The following CATSPERT variants were observed in gnomAD, a reference collection of about 807,000 sequenced individuals.
CATSPERT encodes the protein catsper channel auxiliary subunit tau.
the CATSPERT span, chr2:201,492,135 A>G: frequency 6.6e-7 from 1 of 1,525,792 alleles, no homozygotes; most frequent in Non-Finnish European, 8.7e-7. Flanking sequence ...CTCTAAGTTT[A>G]TCCTCAGAAA....
At chr2:201,534,315 G>A in the CATSPERT span, 1 of 813,942 alleles carries the variant, frequency 1.2e-6, no homozygotes, top group Non-Finnish European at 1.5e-6. Context: ...CAACCCCACA[G>A]TATCTTGAGA....
the CATSPERT span, chr2:201,493,346 T>C: frequency 1.3e-6 from 2 of 1,536,678 alleles, no homozygotes; most frequent in African/African-American, 1.4e-5. Context: ...ACAGAAGTAG[T>C]GTCTTTGGGA....
the CATSPERT span, among the ~76,000 whole-genome samples, chr2:201,566,526 G>A: frequency 6.6e-6 from 1 of 151,840 alleles, no homozygotes; most frequent in South Asian, 2.1e-4. Flanking sequence ...CCCTGCAAAG[G>A]ACATGAACTC....
At chr2:201,591,185 T>C in the CATSPERT span, among the ~76,000 whole-genome samples, 1 of 152,082 alleles carries the variant, frequency 6.6e-6, no homozygotes, top group Non-Finnish European at 1.5e-5. Flanking sequence ...AGGGATCCAG[T>C]TTCAGCTTTC....
chr2:201,547,521 T>C, the CATSPERT span: 1 of 1,539,612 alleles, frequency 6.5e-7, no homozygotes, highest in Non-Finnish European at 8.9e-7. Flanking sequence ...ATCCTTATGT[T>C]CCAATTTTGG....
chr2:201,509,991 T>G, the CATSPERT span, among the ~76,000 whole-genome samples: 9 of 150,894 alleles, frequency 6.0e-5, no homozygotes, highest in African/African-American at 2.0e-4. Context: ...ATAATATACT[T>G]TATTTTAAAT....
At chr2:201,517,885 C>T in the CATSPERT span, among the ~76,000 whole-genome samples, 1 of 152,220 alleles carries the variant, frequency 6.6e-6, no homozygotes, top group Non-Finnish European at 1.5e-5. Flanking sequence ...AGCTCAGTAC[C>T]TCTTGCTACT....
the CATSPERT span, among the ~76,000 whole-genome samples, chr2:201,560,462 TAATAATAACAAC>T: frequency 2.5e-5 from 1 of 39,398 alleles, no homozygotes; most frequent in Non-Finnish European, 5.4e-5. Flanking sequence ...ATAATAATAA[TAATAATAACAAC>T]AACAACAACA....
the CATSPERT span, among the ~76,000 whole-genome samples, chr2:201,545,211 G>A: frequency 1.1e-4 from 17 of 151,542 alleles, no homozygotes; most frequent in African/African-American, 3.2e-4. Context: ...CTAATTTTTT[G>A]TATTTTTAGT....
chr2:201,591,372 G>C, the CATSPERT span, among the ~76,000 whole-genome samples: 1 of 152,186 alleles, frequency 6.6e-6, no homozygotes, highest in African/African-American at 2.4e-5. Context: ...GTACCATGCT[G>C]TTTTGGTTAC....
At chr2:201,530,966 T>G in the CATSPERT span, among the ~76,000 whole-genome samples, 1 of 133,744 alleles carries the variant, frequency 7.5e-6, no homozygotes, top group Non-Finnish European at 1.6e-5. Flanking sequence ...TGTGGGTTTT[T>G]TTTTTTTTTT....
At chr2:201,593,300 G>A in the CATSPERT span, among the ~76,000 whole-genome samples, 7 of 151,540 alleles carry the variant, frequency 4.6e-5, no homozygotes, top group African/African-American at 1.4e-4. Context: ...TTTTGAGTGA[G>A]ATTCTTAATC....
the CATSPERT span, among the ~76,000 whole-genome samples, chr2:201,585,926 GCCTGCCTCT>G: frequency 2.0e-5 from 3 of 152,024 alleles, no homozygotes; most frequent in East Asian, 3.8e-4. Flanking sequence ...GACCCAATGT[GCCTGCCTCT>G]CCTGCCTCTC....
chr2:201,502,699 T>A, the CATSPERT span, among the ~76,000 whole-genome samples: 1 of 152,186 alleles, frequency 6.6e-6, no homozygotes, highest in Non-Finnish European at 1.5e-5. Flanking sequence ...TTCTTAGTAA[T>A]GTGATTATTA....
chr2:201,537,017 A>T, the CATSPERT span, among the ~76,000 whole-genome samples: 1 of 151,974 alleles, frequency 6.6e-6, no homozygotes, highest in Non-Finnish European at 1.5e-5. Flanking sequence ...CTGAAAAGCA[A>T]ATTATATTAT....
At chr2:201,549,439 C>G in the CATSPERT span, among the ~76,000 whole-genome samples, 1 of 151,986 alleles carries the variant, frequency 6.6e-6, no homozygotes, top group African/African-American at 2.4e-5. Context: ...CATGGCCACC[C>G]ATAACCATAT....
At chr2:201,573,043 A>G in the CATSPERT span, among the ~76,000 whole-genome samples, 1 of 152,320 alleles carries the variant, frequency 6.6e-6, no homozygotes, top group South Asian at 2.1e-4. Context: ...CACTAAGAGG[A>G]CTGCATTTTT....
chr2:201,553,309 C>T, the CATSPERT span: 1 of 152,190 alleles, frequency 6.6e-6, no homozygotes, highest in Non-Finnish European at 1.5e-5. Context: ...CAAACATATA[C>T]TTCAAGCTCT....
chr2:201,584,850 A>C, the CATSPERT span, among the ~76,000 whole-genome samples: 1 of 152,136 alleles, frequency 6.6e-6, no homozygotes, highest in Non-Finnish European at 1.5e-5. Context: ...GAACATCATC[A>C]ATCCAGGTTA....
Sources: allele counts gnomAD v4.1 joint callset (sites outside exome capture counted in the v4.1 genomes callset), GRCh38; gene constraint gnomAD v4.1.1; transcripts MANE v1.5; gene names NCBI Gene and HGNC (gene_info 2026-07-23, HGNC 2026-07-21).